The following CLNK variants were observed in gnomAD, a reference collection of about 807,000 sequenced individuals.
CLNK encodes cytokine dependent hematopoietic cell linker.
CLNK carries 74 observed loss-of-function variants against 68.6 expected under a neutral mutation model. The ratio of observed to expected loss-of-function variants is 1.08; its 90% CI spans 0.89 to 1.31. The LOEUF (loss-of-function observed/expected upper bound fraction) is 1.31. Ranked by LOEUF, CLNK falls within the 50% of genes most tolerant of loss-of-function variation. CLNK has a pLI of 0.00. For missense variants in CLNK, 553 were observed against 515.3 expected, an observed-to-expected ratio of 1.07 and a Z score of -0.71; for synonymous variants, 198 against 172.2, an observed-to-expected ratio of 1.15 and a Z score of -1.17.
At chr4:10,618,212 C>A (rs1722305318) in intron 2 of CLNK, among the ~76,000 whole-genome samples, 1 of 152,134 alleles carries the variant, frequency 6.6e-6, no homozygotes, top group African/African-American at 2.4e-5. Context: ...TAAACTGTTA[C>A]ACGCGCTACA....
chr4:10,536,479 A>G (rs1205070716), intron 11 of CLNK, among the ~76,000 whole-genome samples: 4 of 152,238 alleles, frequency 2.6e-5, no homozygotes, highest in Non-Finnish European at 5.9e-5. Flanking sequence ...TTATCGTGGT[A>G]TCCCCAGTGT....
intron 1 of CLNK, among the ~76,000 whole-genome samples, chr4:10,682,406 A>T (rs913601393): frequency 6.6e-5 from 10 of 152,142 alleles, no homozygotes; most frequent in South Asian, 2.1e-4. Context: ...AGTGGATATA[A>T]CTGCTCCATG....
chr4:10,597,334 G>A (rs926173260), intron 3 of CLNK, among the ~76,000 whole-genome samples: 3 of 152,170 alleles, frequency 2.0e-5, no homozygotes, highest in Non-Finnish European at 2.9e-5. Context: ...AGGTTTAGTC[G>A]GCTGGGCAGC....
At chr4:10,537,678 T>TTCCTTCCTTC (rs1718836000) in intron 11 of CLNK, among the ~76,000 whole-genome samples, 9 of 38,532 alleles carry the variant, frequency 2.3e-4, no homozygotes, top group East Asian at 8.4e-4. Flanking sequence ...TTTCTTTCTT[T>TTCCTTCCTTC]CTTCCTTCCT....
At chr4:10,671,550 C>A (rs1724641699) in intron 1 of CLNK, among the ~76,000 whole-genome samples, 1 of 152,188 alleles carries the variant, frequency 6.6e-6, no homozygotes, top group Non-Finnish European at 1.5e-5. Flanking sequence ...ATACTCTGAT[C>A]TAATCTTAGC....
chr4:10,710,740 A>G, the CLNK span, among the ~76,000 whole-genome samples: 1 of 152,136 alleles, frequency 6.6e-6, no homozygotes, highest in Non-Finnish European at 1.5e-5. Flanking sequence ...GATTAGGGTA[A>G]TTAATACTAC....
intron 1 of CLNK, among the ~76,000 whole-genome samples, chr4:10,672,980 T>G (rs1034400151): frequency 1.3e-5 from 2 of 152,192 alleles, no homozygotes; most frequent in African/African-American, 2.4e-5. Context: ...TCCATACACT[T>G]AGAATTATTT....
At chr4:10,666,628 C>G (rs1158706025) in intron 2 of CLNK, among the ~76,000 whole-genome samples, 1 of 152,214 alleles carries the variant, frequency 6.6e-6, no homozygotes, top group Non-Finnish European at 1.5e-5. Context: ...CCAAGAAGAG[C>G]TAGTAATACC....
intron 1 of CLNK, among the ~76,000 whole-genome samples, chr4:10,677,332 C>A (rs1724914448): frequency 6.6e-6 from 1 of 152,004 alleles, no homozygotes; most frequent in Admixed American, 6.6e-5. Flanking sequence ...CTGATGTATG[C>A]TGGTGATTTT....
chr4:10,660,182 G>A (rs972866803), intron 2 of CLNK, among the ~76,000 whole-genome samples: 9 of 152,228 alleles, frequency 5.9e-5, no homozygotes, highest in African/African-American at 1.4e-4. Context: ...TTATTTCCAT[G>A]TAACAAAATG....
intron 2 of CLNK, among the ~76,000 whole-genome samples, chr4:10,616,040 T>C (rs924395506): frequency 6.6e-6 from 1 of 152,170 alleles, no homozygotes; most frequent in South Asian, 2.1e-4. Flanking sequence ...TTAAATTATA[T>C]AAAATTATAA....
At chr4:10,707,050 G>A in the CLNK span, among the ~76,000 whole-genome samples, 1 of 152,114 alleles carries the variant, frequency 6.6e-6, no homozygotes, top group Non-Finnish European at 1.5e-5. Context: ...CAAAGTGCTG[G>A]GATTACAGGG....
At chr4:10,537,665 TTCTTTCTTTC>T (rs1718831859) in intron 11 of CLNK, among the ~76,000 whole-genome samples, 1 of 59,742 alleles carries the variant, frequency 1.7e-5, no homozygotes, top group Non-Finnish European at 3.2e-5. Flanking sequence ...CTTTCTTTCT[TTCTTTCTTTC>T]TTTCTTCCTT....
intron 2 of CLNK, among the ~76,000 whole-genome samples, chr4:10,607,794 G>GTGA (rs1376551845): frequency 6.6e-6 from 1 of 152,220 alleles, no homozygotes; most frequent in Non-Finnish European, 1.5e-5. Context: ...GCTTGGCTGT[G>GTGA]TGATTCAGAT....
upstream of CLNK, chr4:10,684,790 G>C: frequency 1.3e-5 from 2 of 152,078 alleles, no homozygotes; most frequent in East Asian, 1.9e-4. Flanking sequence ...AATTCTTCTC[G>C]ATGCTAAGCA....
At chr4:10,602,299 C>T (rs1721614696) in intron 2 of CLNK, among the ~76,000 whole-genome samples, 1 of 152,106 alleles carries the variant, frequency 6.6e-6, no homozygotes. Flanking sequence ...GTGGGTTTAA[C>T]GACGTGTACC....
Sources: allele counts gnomAD v4.1 joint callset (sites outside exome capture counted in the v4.1 genomes callset), GRCh38; gene constraint gnomAD v4.1.1; transcripts MANE v1.5; gene names NCBI Gene and HGNC (gene_info 2026-07-23, HGNC 2026-07-21).